Variants in NKAIN2 observed in about 807,000 individuals in gnomAD.
NKAIN2 encodes sodium/potassium transporting ATPase interacting 2, also known as sodium/potassium-transporting ATPase subunit beta-1-interacting protein 2.
Under a neutral mutation model 32.6 loss-of-function variants are expected in NKAIN2, and 14 were observed. That is an observed-to-expected ratio of 0.43 (90% CI 0.28 to 0.67). NKAIN2 has a LOEUF of 0.67. Ranked by LOEUF, NKAIN2 falls within the 30% of genes least tolerant of loss-of-function variation. NKAIN2 has a pLI of 0.17. For missense variants in NKAIN2, 198 were observed against 258.3 expected, an observed-to-expected ratio of 0.77 and a Z score of 1.60; for synonymous variants, 80 against 87.2, an observed-to-expected ratio of 0.92 and a Z score of 0.46.
intron 3 of NKAIN2, among the ~76,000 whole-genome samples, chr6:124,611,686 T>C (rs930935165): frequency 8.5e-5 from 13 of 152,228 alleles, no homozygotes; most frequent in Middle Eastern, 6.8e-3. Context: ...TTTGGTGGAT[T>C]AGAATAAAAT....
At chr6:124,086,978 A>C (rs1784215038) in intron 1 of NKAIN2, among the ~76,000 whole-genome samples, 1 of 151,848 alleles carries the variant, frequency 6.6e-6, no homozygotes, top group Admixed American at 6.6e-5. Flanking sequence ...GAGAAAAGAA[A>C]CCATAGGCTA....
chr6:123,886,327 T>A (rs1235859117), intron 1 of NKAIN2, among the ~76,000 whole-genome samples: 1 of 152,092 alleles, frequency 6.6e-6, no homozygotes, highest in Non-Finnish European at 1.5e-5. Flanking sequence ...GAGTATTATA[T>A]TACTTCCACA....
In NKAIN2 at chr6:124,367,017, G is replaced by A. The variant is rs142072335; in HGVS notation, c.273+11670G>A. ...TAATTATGATATTATTTCCCACACT[G>A]TATTGTAATACATATGTACATTTCC... On this transcript the variant is annotated intron_variant, in intron 3 of 6. Coordinates refer to ENST00000368417, the MANE Select transcript of NKAIN2 (RefSeq NM_001040214.3). Among the ~76,000 whole-genome samples, 356 of 148,184 alleles carry A rather than the reference G, an allele frequency of 2.4e-3. 1 individual carries two copies. The highest frequency in any genetic ancestry group is 8.9e-3 in the African/African-American group (342 of 38,300).
intron 1 of NKAIN2, among the ~76,000 whole-genome samples, chr6:124,074,351 G>A (rs1783594781): frequency 6.6e-6 from 1 of 152,158 alleles, no homozygotes; most frequent in South Asian, 2.1e-4. Context: ...CGTAAAAACA[G>A]GCACAGTGAG....
At chr6:124,394,098 T>C (rs1183071376) in intron 3 of NKAIN2, among the ~76,000 whole-genome samples, 2 of 152,150 alleles carry the variant, frequency 1.3e-5, no homozygotes, top group Non-Finnish European at 1.5e-5. Flanking sequence ...AATACTTGCA[T>C]TGTCTAATAT....
intron 4 of NKAIN2, among the ~76,000 whole-genome samples, chr6:124,776,749 G>A (rs1779000570): frequency 6.6e-6 from 1 of 151,876 alleles, no homozygotes; most frequent in Non-Finnish European, 1.5e-5. Flanking sequence ...TAAAAGTATG[G>A]TTTCCACTGT....
chr6:124,654,501 AAAAAT>A (rs762832184), intron 3 of NKAIN2, among the ~76,000 whole-genome samples: 4 of 152,288 alleles, frequency 2.6e-5, no homozygotes, highest in African/African-American at 7.2e-5. Context: ...TGGAGAAATG[AAAAAT>A]AAAATAAAAA....
intron 4 of NKAIN2, among the ~76,000 whole-genome samples, chr6:124,664,921 C>T (rs749729796): frequency 6.8e-5 from 10 of 147,044 alleles, no homozygotes; most frequent in Admixed American, 4.1e-4. Context: ...AGAATGTATA[C>T]GTGTATCTTT....
chr6:123,963,236 AT>A (rs1777930850), intron 1 of NKAIN2, among the ~76,000 whole-genome samples: 1 of 152,166 alleles, frequency 6.6e-6, no homozygotes, highest in South Asian at 2.1e-4. Flanking sequence ...TTTCTAGGCA[AT>A]TTTTAATGTT....
At chr6:123,927,767 T>C (rs1330853777) in intron 1 of NKAIN2, among the ~76,000 whole-genome samples, 1 of 152,208 alleles carries the variant, frequency 6.6e-6, no homozygotes, top group Non-Finnish European at 1.5e-5. Flanking sequence ...GTGTCTTCAA[T>C]GCTACATTCC....
At chr6:124,097,296 A>G (rs1784683757) in intron 1 of NKAIN2, among the ~76,000 whole-genome samples, 1 of 151,570 alleles carries the variant, frequency 6.6e-6, no homozygotes, top group Non-Finnish European at 1.5e-5. Flanking sequence ...GCTACTCGAG[A>G]GGCTGAATGA....
chr6:124,074,552 G>A (rs914732060), intron 1 of NKAIN2, among the ~76,000 whole-genome samples: 18 of 152,174 alleles, frequency 1.2e-4, no homozygotes, highest in Admixed American at 1.0e-3. Flanking sequence ...GGCCTTGGAA[G>A]GGCTGTGCAA....
At chr6:124,186,358 A>G (rs1441159008) in intron 1 of NKAIN2, among the ~76,000 whole-genome samples, 2 of 152,082 alleles carry the variant, frequency 1.3e-5, no homozygotes, top group Non-Finnish European at 1.5e-5. Context: ...TGGGAGGACC[A>G]CTTGAGCACA....
At position 124,817,720 on chromosome 6, in the gene NKAIN2, C is replaced by T. The variant is rs953603288; in HGVS notation, c.536-667C>T. ...CATATAAAATAGGAGATACTCTTAC[C>T]GCCATTTTGGAAAATATAATCTGCC... On this transcript the variant is annotated intron_variant, in intron 5 of 6. Coordinates refer to ENST00000368417, the MANE Select transcript of NKAIN2 (RefSeq NM_001040214.3). 6.6e-5 allele frequency among the ~76,000 whole-genome samples: 10 copies of T among 152,104 alleles called. No individual in the cohort carries two copies. The East Asian group carries it at 7.7e-4, about 12-fold the overall frequency.
chr6:124,474,612 C>T (rs1281483036), intron 3 of NKAIN2, among the ~76,000 whole-genome samples: 1 of 151,882 alleles, frequency 6.6e-6, no homozygotes, highest in East Asian at 1.9e-4. Flanking sequence ...TTAAAGATCA[C>T]CATGACTAGC....
rs144128046 is a variant in NKAIN2 at position 124,210,085 on chromosome 6, T to C, written c.55-72920T>C. ...TTCAGTGGTTTCATAGTTTGAGTTC[T>C]TACATTTAAGTCTTTCATCCATTTT... is the stretch of plus-strand genomic sequence containing the variant. On this transcript the variant is annotated intron_variant, in intron 1 of 6. Transcript: ENST00000368417. 2.8e-4 allele frequency among the ~76,000 whole-genome samples: 42 copies of C among 152,060 alleles called. No homozygotes were observed. In the East Asian group the frequency reaches 7.5e-3, roughly 27 times the overall value.
At chr6:124,052,939 C>A (rs1471304590) in intron 1 of NKAIN2, among the ~76,000 whole-genome samples, 4 of 151,416 alleles carry the variant, frequency 2.6e-5, no homozygotes, top group African/African-American at 9.7e-5. Flanking sequence ...CCAATGGAGG[C>A]CAACTGAAAA....
At chr6:124,432,984 A>G (rs186610528) in intron 3 of NKAIN2, among the ~76,000 whole-genome samples, 1 of 152,220 alleles carries the variant, frequency 6.6e-6, no homozygotes, top group East Asian at 1.9e-4. Flanking sequence ...CAGTCAGGGC[A>G]TCTAGCTGTC....
At chr6:123,863,994 C>A (rs889800745) in intron 1 of NKAIN2, among the ~76,000 whole-genome samples, 11 of 152,116 alleles carry the variant, frequency 7.2e-5, no homozygotes, top group African/African-American at 2.7e-4. Flanking sequence ...CTATAAAGAT[C>A]AAAATAATCA....
Sources: gnomAD v4.1 joint callset for allele counts (sites outside exome capture counted in the v4.1 genomes callset) on GRCh38, gnomAD v4.1.1 for gene constraint, MANE v1.5 for transcripts, NCBI Gene and HGNC (gene_info 2026-07-23, HGNC 2026-07-21) for gene names.